SRGAP2C: variants seen among roughly 807,000 people sequenced by gnomAD.
SRGAP2C encodes SLIT-ROBO Rho GTPase activating protein 2C, also known as SLIT-ROBO Rho GTPase-activating protein 2C.
In SRGAP2C, 15 loss-of-function variants were observed where a neutral mutation model predicts 25.1. That is an observed-to-expected ratio of 0.60 (90% CI 0.40 to 0.92). The LOEUF is 0.92. Among genes scored for constraint, SRGAP2C ranks in the 40% least tolerant of loss-of-function variants. SRGAP2C has a pLI of 0.00. For synonymous variants in SRGAP2C, 44 were observed against 96.6 expected (o/e 0.46, Z 3.19); for missense variants, 144 against 264.4 (o/e 0.54, Z 3.16).
At chr1:121,317,026 A>G (rs1658114216) in intron 3 of SRGAP2C, among the ~76,000 whole-genome samples, 1 of 139,670 alleles carries the variant, frequency 7.2e-6, no homozygotes, top group Non-Finnish European at 1.5e-5. Flanking sequence ...TTTCGAAGTC[A>G]GCCAAATCAG....
At chr1:121,207,714 AGTTGAACTTAAT>A (rs1655150953) in intron 2 of SRGAP2C, among the ~76,000 whole-genome samples, 2 of 152,284 alleles carry the variant, frequency 1.3e-5, no homozygotes, top group South Asian at 4.1e-4. Flanking sequence ...AGATATTGGC[AGTTGAACTTAAT>A]GTATTCTATT....
chr1:121,212,123 ATTTTTTT>A (rs60785126), intron 2 of SRGAP2C, among the ~76,000 whole-genome samples: 200 of 61,852 alleles, frequency 3.2e-3, no homozygotes, highest in African/African-American at 0.016. Context: ...ATGGAGCTGT[ATTTTTTT>A]TTTTTTTTTT....
intron 2 of SRGAP2C, among the ~76,000 whole-genome samples, chr1:121,191,172 C>T (rs1338982821): frequency 1.3e-5 from 2 of 151,574 alleles, no homozygotes; most frequent in Non-Finnish European, 2.9e-5. Flanking sequence ...TGTAGTTGTC[C>T]GTCAGTATCC....
intron 3 of SRGAP2C, among the ~76,000 whole-genome samples, chr1:121,320,533 CTTA>C (rs1285963186): frequency 1.6e-5 from 2 of 125,952 alleles, no homozygotes; most frequent in Non-Finnish European, 3.3e-5. Context: ...TTATAGAGTA[CTTA>C]TTATACTGTC....
At chr1:121,187,782 G>C (rs1201118172) in intron 2 of SRGAP2C, among the ~76,000 whole-genome samples, 7 of 152,092 alleles carry the variant, frequency 4.6e-5, no homozygotes, top group Non-Finnish European at 1.0e-4. Context: ...CCCCAAGCCG[G>C]ACAGGGTGGG....
chr1:121,292,200 G>T lies in SRGAP2C; in HGVS notation c.260+7205G>T, dbSNP rs1339079015. Among the ~76,000 whole-genome samples the T allele has an allele frequency of 1.9e-3, 295 of 151,770 alleles. 2 individuals are homozygous for T. Among genetic ancestry groups the T allele is most frequent in the African/African-American group, 6.7e-3 (279 of 41,370 alleles). Reference sequence around the variant, plus strand: ...CCTAAAGAGTCCACGTAGCTGATGAGTTCTGCCCTTATCTTAGTAGTACAG... The same window carrying T: ...CCTAAAGAGTCCACGTAGCTGATGATTTCTGCCCTTATCTTAGTAGTACAG... On this transcript the variant is annotated intron_variant, in intron 3 of 9. Transcript: ENST00000367123.
chr1:121,297,633 A>G (rs1657624718), intron 3 of SRGAP2C, among the ~76,000 whole-genome samples: 1 of 150,748 alleles, frequency 6.6e-6, no homozygotes, highest in East Asian at 2.0e-4. Context: ...GTCAATCCTG[A>G]TAGTTAAGAT....
At chr1:121,239,191 T>TAC (rs1656035747) in intron 2 of SRGAP2C, among the ~76,000 whole-genome samples, 1 of 2,526 alleles carries the variant, frequency 4.0e-4, no homozygotes, top group African/African-American at 4.2e-3. Flanking sequence ...TATATATATA[T>TAC]ATATATATAT....
intron 2 of SRGAP2C, among the ~76,000 whole-genome samples, chr1:121,218,935 AGGGCAGAATTCTT>A (rs1655464466): frequency 6.6e-6 from 1 of 152,010 alleles, no homozygotes; most frequent in Non-Finnish European, 1.5e-5. Context: ...TGAGAAATGA[AGGGCAGAATTCTT>A]CCAGATTTTT....
intron 2 of SRGAP2C, among the ~76,000 whole-genome samples, chr1:121,209,338 TCGTCAACCTTGAAAG>T (rs1328873166): frequency 1.4e-5 from 1 of 70,604 alleles, no homozygotes; most frequent in Non-Finnish European, 2.6e-5. Context: ...AACACCAGCT[TCGTCAACCTTGAAAG>T]CTTCTAAAAG....
At position 121,312,277 on chromosome 1, in the gene SRGAP2C, T is replaced by G. The variant is rs1363863589; in HGVS notation, c.261-12201T>G. 1.4e-4 allele frequency among the ~76,000 whole-genome samples: 7 copies of G among 48,308 alleles called. 1 individual carries two copies. Among genetic ancestry groups the G allele is most frequent in the African/African-American group, 5.3e-4 (7 of 13,120 alleles). The allele number at this position is 48,308 out of a possible 152,430, so 31.7% of individuals were successfully genotyped here. ...TGTGGGATCAGTGGTGATATCCCCT[T>G]TATCATTTTTTATTGTGTCTGTTTG... On this transcript the variant is annotated intron_variant, in intron 3 of 9. Coordinates refer to ENST00000367123, the MANE Select transcript of SRGAP2C (RefSeq NM_001329984.2).
At chr1:121,375,944 G>A (rs1261456241) in intron 7 of SRGAP2C, among the ~76,000 whole-genome samples, 24 of 151,466 alleles carry the variant, frequency 1.6e-4, no homozygotes, top group Non-Finnish European at 2.8e-4. Flanking sequence ...GTGATGCAAA[G>A]GGGATTGAGG....
At chr1:121,273,666 AACTATGTGAAGCTACTGCATCT>A (rs1570755105) in intron 2 of SRGAP2C, among the ~76,000 whole-genome samples, 14 of 151,952 alleles carry the variant, frequency 9.2e-5, no homozygotes, top group East Asian at 7.7e-4. Flanking sequence ...ATCTTCACGT[AACTATGTGAAGCTACTGCATCT>A]CTGAACAGTC....
intron 3 of SRGAP2C, among the ~76,000 whole-genome samples, chr1:121,316,069 A>AT (rs1158412207): frequency 8.9e-5 from 11 of 123,394 alleles, no homozygotes; most frequent in East Asian, 7.2e-4. Flanking sequence ...CAAGAATTTT[A>AT]TTTTTTTTCC....
intron 2 of SRGAP2C, among the ~76,000 whole-genome samples, chr1:121,237,405 C>T (rs1350915379): frequency 6.6e-6 from 1 of 152,130 alleles, no homozygotes; most frequent in Non-Finnish European, 1.5e-5. Flanking sequence ...CACTTTGAGC[C>T]ACTCAGAGTA....
intron 5 of SRGAP2C, among the ~76,000 whole-genome samples, chr1:121,371,183 CAT>C (rs1659479339): frequency 7.1e-6 from 1 of 140,412 alleles, no homozygotes; most frequent in South Asian, 2.3e-4. Flanking sequence ...TCTATATATA[CAT>C]ATATGAGTAG....
At chr1:121,365,941 A>G (rs1659307547) in intron 5 of SRGAP2C, among the ~76,000 whole-genome samples, 1 of 146,620 alleles carries the variant, frequency 6.8e-6, no homozygotes, top group Admixed American at 6.9e-5. Flanking sequence ...AGAAGAGAAC[A>G]CAATCTGTTC....
intron 3 of SRGAP2C, among the ~76,000 whole-genome samples, chr1:121,313,611 G>C (rs1311603376): frequency 2.6e-4 from 34 of 129,968 alleles, no homozygotes; most frequent in African/African-American, 9.9e-4. Context: ...GCTCTTTTAG[G>C]GCAGGCCTGG....
intron 3 of SRGAP2C, among the ~76,000 whole-genome samples, chr1:121,285,428 ACACT>A (rs1386134981): frequency 2.1e-5 from 3 of 145,124 alleles, no homozygotes; most frequent in Admixed American, 7.1e-5. Flanking sequence ...ACACACACTC[ACACT>A]CACACACCCC....
Sources: gnomAD v4.1 joint callset for allele counts (sites outside exome capture counted in the v4.1 genomes callset) on GRCh38, gnomAD v4.1.1 for gene constraint, MANE v1.5 for transcripts, NCBI Gene and HGNC (gene_info 2026-07-23, HGNC 2026-07-21) for gene names.